VPS13B: variants seen among roughly 807,000 people sequenced by gnomAD.
VPS13B encodes vacuolar protein sorting 13 homolog B, also known as intermembrane lipid transfer protein VPS13B.
A neutral mutation model predicts 426.4 loss-of-function variants in VPS13B; 285 were observed. That is an observed-to-expected ratio of 0.67 (90% CI 0.61 to 0.74). VPS13B has a LOEUF of 0.74. Ranked by LOEUF, VPS13B falls within the 30% of genes least tolerant of loss-of-function variation. The pLI, the probability that VPS13B is intolerant of heterozygous loss-of-function variation, is 0.00. For missense variants in VPS13B, 4,537 were observed against 4,782.6 expected, an observed-to-expected ratio of 0.95 and a Z score of 1.51; for synonymous variants, 1,676 against 1,676.4, an observed-to-expected ratio of 1.00 and a Z score of 0.01.
At chr8:99,347,708 C>T (rs552082933) in intron 19 of VPS13B, 12 of 152,482 alleles carry the variant, frequency 7.9e-5, no homozygotes, top group Admixed American at 2.6e-4. Flanking sequence ...CCGTCCACTG[C>T]ATCAGCCTCC....
chr8:99,599,468 T>G (rs1190933493), intron 33 of VPS13B, among the ~76,000 whole-genome samples: 2 of 152,068 alleles, frequency 1.3e-5, no homozygotes, highest in East Asian at 3.9e-4. Context: ...TTCTAACTAA[T>G]TTATGATCTT....
Position 99,832,473 on chromosome 8 carries a change from C to T in VPS13B, c.9435C>T (p.Ile3145=). The stretch of plus-strand genomic sequence containing the variant: ...CTTGCTGGGACTTGATGCCTGACAT[C>T]AGTCAGTCAGTACTGGATGCATCCC... ...SLPCWDLMPD[I]SQSVLDASLL... The change falls in exon 52 of 62, where the codon ATC becomes ATT. Residue 3145 remains isoleucine, a synonymous_variant. Transcript: ENST00000357162. The T allele has an allele frequency of 6.2e-7, 1 of 1,611,266 alleles. No homozygotes were observed. The highest frequency in any genetic ancestry group is 8.5e-7 in the Non-Finnish European group (1 of 1,179,128).
chr8:99,830,996 C>T (rs1815009395), intron 51 of VPS13B, among the ~76,000 whole-genome samples: 1 of 151,844 alleles, frequency 6.6e-6, no homozygotes, highest in African/African-American at 2.4e-5. Flanking sequence ...AACCATCCAC[C>T]TTCTGTGTTG....
chr8:99,498,837 G>A (rs1340122843), intron 25 of VPS13B, among the ~76,000 whole-genome samples: 1 of 152,116 alleles, frequency 6.6e-6, no homozygotes, highest in Admixed American at 6.5e-5. Flanking sequence ...TTGAAATAGT[G>A]GGAGCAAAGG....
intron 35 of VPS13B, among the ~76,000 whole-genome samples, chr8:99,677,119 A>G (rs1294196145): frequency 2.6e-5 from 4 of 152,320 alleles, no homozygotes; most frequent in Non-Finnish European, 5.9e-5. Context: ...TCCATCTCAA[A>G]AAAGAAAAAA....
At chr8:99,574,770 A>C (rs972363389) in intron 31 of VPS13B, among the ~76,000 whole-genome samples, 71 of 152,336 alleles carry the variant, frequency 4.7e-4, no homozygotes, top group African/African-American at 1.6e-3. Context: ...GCCTTAGCCC[A>C]GTACTTGAAC....
intron 44 of VPS13B, among the ~76,000 whole-genome samples, chr8:99,812,081 G>A (rs769625317): frequency 2.6e-5 from 4 of 151,932 alleles, no homozygotes; most frequent in Admixed American, 6.6e-5. Flanking sequence ...ATTACACATC[G>A]CAACAGTATA....
intron 19 of VPS13B, among the ~76,000 whole-genome samples, chr8:99,292,871 C>T (rs559926317): frequency 1.3e-5 from 2 of 152,216 alleles, no homozygotes; most frequent in Non-Finnish European, 2.9e-5. Context: ...TACTTATAAA[C>T]ACACAATGCA....
chr8:99,586,057 C>T (rs1826284275), intron 33 of VPS13B, among the ~76,000 whole-genome samples: 1 of 152,188 alleles, frequency 6.6e-6, no homozygotes, highest in Non-Finnish European at 1.5e-5. Context: ...CTCCCCACTC[C>T]TCTTTTCAGT....
At chr8:99,330,421 A>G (rs1810488661) in intron 19 of VPS13B, among the ~76,000 whole-genome samples, 1 of 151,878 alleles carries the variant, frequency 6.6e-6, no homozygotes, top group Non-Finnish European at 1.5e-5. Context: ...GTACTGAATA[A>G]AGAACCAGAG....
chr8:99,853,465 T>C lies in VPS13B; in HGVS notation c.10076T>C (p.Ile3359Thr), dbSNP rs1036301212. The C allele has an allele frequency of 3.7e-6, 6 of 1,614,020 alleles. No individual in the cohort carries two copies. The highest frequency in any genetic ancestry group is 5.1e-6 in the Non-Finnish European group (6 of 1,180,030). ...LTNTNRAPEK[I>T]VTFKMFITQL... ...TTCTCCTCTAGAGCGCCAGAGAAGA[T>C]TGTTACATTTAAAATGTTCATCACT... is the stretch of plus-strand genomic sequence containing the variant. Residue 3359 changes from isoleucine (I) to threonine (T), a missense_variant, in exon 56 of 62, where the codon ATT (isoleucine) becomes ACT (threonine). This residue lies in a region of VPS13B where 4,311 missense variants were observed against 4,474.3 expected (regional missense o/e 0.96). Transcript: ENST00000357162.
In VPS13B at chr8:99,859,389, G is replaced by T; in HGVS notation, c.10953G>T (p.Arg3651Ser). 1 of 1,614,088 alleles carries T rather than the reference G, an allele frequency of 6.2e-7. No individual in the cohort carries two copies. The highest frequency in any genetic ancestry group is 8.5e-7 in the Non-Finnish European group (1 of 1,180,016). Reference sequence around the variant, plus strand: ...GGAACGGGGTCGCCGACTTCTTCAGGCTTCCGTATGAGGGGCTGACCCGGG... The same window carrying T: ...GGAACGGGGTCGCCGACTTCTTCAGTCTTCCGTATGAGGGGCTGACCCGGG... ...SIGNGVADFFRLPYEGLTRGP... is the reference protein window; with the variant it reads ...SIGNGVADFFSLPYEGLTRGP... Residue 3651 changes from arginine to serine, a missense_variant, in exon 57 of 62, where the codon AGG becomes AGT. Physicochemically the swap from Arg to Ser is moderately radical, Grantham distance 110. Around this residue, in one of 2 missense-constraint regions of VPS13B, gnomAD observed 4,311 missense variants for 4,474.3 expected, o/e 0.96. Coordinates refer to ENST00000357162, the MANE Select transcript of VPS13B (RefSeq NM_152564.5).
At chr8:99,234,403 C>A in intron 17 of VPS13B, 1 of 698,584 alleles carries the variant, frequency 1.4e-6, no homozygotes, top group Non-Finnish European at 2.7e-6. Context: ...TGTTCCTTAG[C>A]TTTTTAGAGA....
At chr8:99,536,966 T>C in intron 30 of VPS13B, 1 of 366,312 alleles carries the variant, frequency 2.7e-6, no homozygotes, top group Non-Finnish European at 5.4e-6. Context: ...ATTAATGAGA[T>C]ATACAGAAAA....
chr8:99,457,415 T>G (rs1177865684), intron 23 of VPS13B, among the ~76,000 whole-genome samples: 2 of 152,192 alleles, frequency 1.3e-5, no homozygotes, highest in African/African-American at 2.4e-5. Context: ...AACATTCCCT[T>G]TTAATCTCTT....
chr8:99,472,920 G>A (rs1275569423), intron 24 of VPS13B, among the ~76,000 whole-genome samples: 1 of 151,892 alleles, frequency 6.6e-6, no homozygotes, highest in Non-Finnish European at 1.5e-5. Context: ...TAGATGAAAT[G>A]GAAATTTTCA....
intron 19 of VPS13B, among the ~76,000 whole-genome samples, chr8:99,299,347 C>A (rs544884905): frequency 1.3e-5 from 2 of 151,800 alleles, no homozygotes; most frequent in Non-Finnish European, 2.9e-5. Context: ...CAGGTGTGAG[C>A]CACTGTACCC....
intron 2 of VPS13B, among the ~76,000 whole-genome samples, chr8:99,027,101 T>C (rs1335554840): frequency 6.6e-6 from 1 of 152,150 alleles, no homozygotes; most frequent in Non-Finnish European, 1.5e-5. Flanking sequence ...GTCTTAAAAC[T>C]CCTGATCTCA....
chr8:99,385,793 G>T (rs544794176), intron 20 of VPS13B, among the ~76,000 whole-genome samples: 1 of 152,284 alleles, frequency 6.6e-6, no homozygotes, highest in African/African-American at 2.4e-5. Context: ...TTCTAGGAGT[G>T]AGACAGACAG....
Sources: allele counts gnomAD v4.1 joint callset (sites outside exome capture counted in the v4.1 genomes callset), GRCh38; gene constraint gnomAD v4.1.1; regional missense constraint gnomAD v4.1.1; transcripts MANE v1.5; gene names NCBI Gene and HGNC (gene_info 2026-07-23, HGNC 2026-07-21).